MARCHF8: variants seen among roughly 807,000 people sequenced by gnomAD.
The protein encoded by MARCHF8 is E3 ubiquitin-protein ligase MARCHF8.
In MARCHF8, 40 loss-of-function variants were observed where a neutral mutation model predicts 51.6. The ratio of observed to expected loss-of-function variants is 0.77; its 90% CI spans 0.60 to 1.01. The LOEUF (loss-of-function observed/expected upper bound fraction) is 1.01, where lower values mean the gene tolerates loss of function less well. MARCHF8 is among the 50% of genes least tolerant of loss of function. The pLI is 0.00. For missense variants in MARCHF8, 685 were observed against 708.6 expected (o/e 0.97, Z 0.38); for synonymous variants, 263 against 280.3 (o/e 0.94, Z 0.62).
intron 1 of MARCHF8, among the ~76,000 whole-genome samples, chr10:45,586,734 T>C (rs1407742353): frequency 6.6e-6 from 1 of 152,146 alleles, no homozygotes; most frequent in Non-Finnish European, 1.5e-5. Context: ...GTATGTCTAC[T>C]AGAATTTCAA....
At chr10:45,464,500 AT>A (rs1166116045) in intron 3 of MARCHF8, among the ~76,000 whole-genome samples, 173 bp from the exon 4 acceptor site, 1 of 152,070 alleles carries the variant, frequency 6.6e-6, no homozygotes, top group African/African-American at 2.4e-5. Flanking sequence ...AAATATCACT[AT>A]TTTTTTCTTA....
intron 1 of MARCHF8, among the ~76,000 whole-genome samples, chr10:45,549,381 C>T (rs1352135398): frequency 6.6e-6 from 1 of 152,360 alleles, no homozygotes; most frequent in Middle Eastern, 3.4e-3. Context: ...TCTTCTGCTG[C>T]CCTTACCTGA....
At chr10:45,553,641 A>G (rs2044219902) in intron 1 of MARCHF8, among the ~76,000 whole-genome samples, 1 of 151,366 alleles carries the variant, frequency 6.6e-6, no homozygotes, top group Admixed American at 6.6e-5. Flanking sequence ...GGGACTGACA[A>G]TAAACTGGTA....
chr10:45,530,216 G>A (rs777210149), intron 2 of MARCHF8, among the ~76,000 whole-genome samples: 1 of 152,104 alleles, frequency 6.6e-6, no homozygotes, highest in East Asian at 1.9e-4. Context: ...CTTACAGGTG[G>A]GAGCTGAAAA....
chr10:45,563,695 T>G (rs73289212), intron 1 of MARCHF8, among the ~76,000 whole-genome samples: 1 of 152,136 alleles, frequency 6.6e-6, no homozygotes, highest in Non-Finnish European at 1.5e-5. Flanking sequence ...AATATATCAA[T>G]AACCATAATC....
rs944874120 is a variant in MARCHF8 at position 45,455,673 on chromosome 10, C to A, written c.*2566G>T. ...ATGGGAGTACCACATCCCCACCAGG[C>A]TTCATGCTTCACTGCTAGATGCAGG... On this transcript the variant is annotated 3_prime_UTR_variant, in exon 8 of 8. Coordinates refer to ENST00000453424, the MANE Select transcript of MARCHF8 (RefSeq NM_001282866.2). 4.6e-5 allele frequency: 7 copies of A among 152,240 alleles called. No individual in the cohort carries two copies. The highest frequency in any genetic ancestry group is 5.9e-5 in the Non-Finnish European group (4 of 68,084). 9.4% of individuals were successfully genotyped at this position (152,240 alleles called of 1,614,324 possible). A position where few individuals can be genotyped will look rare whatever the true frequency, so the allele number is the denominator to read the frequency against.
chr10:45,517,327 A>G (rs1294381018), intron 2 of MARCHF8, among the ~76,000 whole-genome samples: 1 of 152,192 alleles, frequency 6.6e-6, no homozygotes, highest in African/African-American at 2.4e-5. Context: ...TAGTTTGGAT[A>G]TTTGTCTCCA....
chr10:45,538,328 G>A (rs1417157352), upstream of MARCHF8, among the ~76,000 whole-genome samples: 1 of 152,138 alleles, frequency 6.6e-6, no homozygotes, highest in Non-Finnish European at 1.5e-5. Flanking sequence ...CACTAAACAT[G>A]GAAAGGAACA....
intron 1 of MARCHF8, among the ~76,000 whole-genome samples, chr10:45,541,393 C>T (rs1357697346): frequency 3.3e-5 from 5 of 151,834 alleles, no homozygotes; most frequent in African/African-American, 1.2e-4. Context: ...ACACAGGAAG[C>T]GGAACATCAC....
intron 2 of MARCHF8, among the ~76,000 whole-genome samples, chr10:45,520,007 G>A (rs963427355): frequency 6.6e-6 from 1 of 152,186 alleles, no homozygotes; most frequent in African/African-American, 2.4e-5. Flanking sequence ...ACCACTCACT[G>A]CCCAGGTGAT....
In MARCHF8 at chr10:45,554,067, T is replaced by C. The variant is rs558131856; in HGVS notation, c.-78-20778A>G. On this transcript the variant is annotated intron_variant, in intron 1 of 6. Transcript: ENST00000319836. ...AATATTTGTTGAATTGGTGGTATAA[T>C]CATGCAAAAAGGAATTATTTCAAAT... Among the ~76,000 whole-genome samples, 237 of 152,296 alleles carry C rather than the reference T, an allele frequency of 1.6e-3. 1 individual carries two copies. Among genetic ancestry groups the C allele is most frequent in the African/African-American group, 5.1e-3 (210 of 41,574 alleles).
At chr10:45,514,852 A>G (rs192627715) in intron 2 of MARCHF8, among the ~76,000 whole-genome samples, 114 of 152,318 alleles carry the variant, frequency 7.5e-4, no homozygotes, top group African/African-American at 2.5e-3. Context: ...AGAACAAAAC[A>G]AAATTTTTTT....
chr10:45,489,284 A>AG, intron 3 of MARCHF8, 83 bp downstream of exon 3: 1 of 1,107,826 alleles, frequency 9.0e-7, no homozygotes, highest in East Asian at 2.4e-5. Context: ...TTTCAAAAAA[A>AG]AAAAAAAGAG....
chr10:45,566,142 G>C (rs953199082), intron 1 of MARCHF8, among the ~76,000 whole-genome samples: 1 of 152,166 alleles, frequency 6.6e-6, no homozygotes, highest in African/African-American at 2.4e-5. Context: ...CCCTTTCTTA[G>C]ATTTCTGTGG....
At chr10:45,534,786 C>T (rs2043948437) in intron 1 of MARCHF8, among the ~76,000 whole-genome samples, 1 of 152,090 alleles carries the variant, frequency 6.6e-6, no homozygotes, top group East Asian at 1.9e-4. Context: ...CAGTCACTTA[C>T]TCTACCTCTC....
chr10:45,464,151 A>T, intron 4 of MARCHF8, 88 bp downstream of exon 4: 1 of 1,564,688 alleles, frequency 6.4e-7, no homozygotes, highest in Non-Finnish European at 8.8e-7. Context: ...CAGATTGATT[A>T]AGCAAATGGA....
At chr10:45,492,194 C>T (rs913289406) in intron 2 of MARCHF8, among the ~76,000 whole-genome samples, 1 of 152,228 alleles carries the variant, frequency 6.6e-6, no homozygotes, top group Non-Finnish European at 1.5e-5. Context: ...AGGGTTGCTT[C>T]TCCACTACTT....
Position 45,463,329 on chromosome 10 carries a change from A to G in MARCHF8, c.910T>C (p.Ser304Pro). ...SGLAGSMGFC[S>P]DEMGDDDVFE... ...ACATCGTCGTCTCCCATCTCGTCAG[A>G]GCAGAAGCCCATACTCCCTGCCAGC... The change falls in exon 5 of 8, where the codon TCT becomes CCT. Residue 304 changes from serine to proline, a missense_variant. By Grantham distance (74) the Ser-to-Pro change is moderately conservative (BLOSUM62 -1). Coordinates refer to ENST00000453424, the MANE Select transcript of MARCHF8 (RefSeq NM_001282866.2). 2 of 1,550,910 alleles carry G rather than the reference A, an allele frequency of 1.3e-6. No individual in the cohort carries two copies. Among genetic ancestry groups the G allele is most frequent in the Non-Finnish European group, 1.7e-6 (2 of 1,147,058 alleles).
intron 2 of MARCHF8, among the ~76,000 whole-genome samples, chr10:45,531,935 C>T (rs1464165094): frequency 6.6e-6 from 1 of 152,132 alleles, no homozygotes; most frequent in Non-Finnish European, 1.5e-5. Flanking sequence ...CAAATCAAAC[C>T]TGATACCACA....
Sources: allele counts gnomAD v4.1 joint callset (sites outside exome capture counted in the v4.1 genomes callset), GRCh38; gene constraint gnomAD v4.1.1; transcripts MANE v1.5; gene names NCBI Gene and HGNC (gene_info 2026-07-23, HGNC 2026-07-21).